PDGFRL: variants seen among roughly 807,000 people sequenced by gnomAD.
PDGFRL encodes the protein platelet-derived growth factor receptor-like protein.
Under a neutral mutation model 37.2 loss-of-function variants are expected in PDGFRL, and 46 were observed. The ratio of observed to expected loss-of-function variants is 1.24; its 90% CI spans 0.98 to 1.58. The LOEUF (loss-of-function observed/expected upper bound fraction) is 1.58. Among genes scored for constraint, PDGFRL ranks in the 40% most tolerant of loss-of-function variants. PDGFRL has a pLI of 0.00. For synonymous variants in PDGFRL, 251 were observed against 184.3 expected (o/e 1.36, Z -2.93); for missense variants, 692 against 467.6 (o/e 1.48, Z -4.43).
intron 2 of PDGFRL, among the ~76,000 whole-genome samples, chr8:17,590,803 C>G (rs904798490): frequency 2.0e-5 from 3 of 151,986 alleles, no homozygotes; most frequent in African/African-American, 7.3e-5. Flanking sequence ...CTGAAATGAC[C>G]TAACAGGAGA....
intron 2 of PDGFRL, among the ~76,000 whole-genome samples, chr8:17,620,724 T>G (rs554838267): frequency 6.6e-6 from 1 of 152,142 alleles, no homozygotes; most frequent in African/African-American, 2.4e-5. Context: ...TTTTTTGAAT[T>G]GTTGCAAAAA....
chr8:17,606,907 T>A (rs1804293411), intron 2 of PDGFRL, among the ~76,000 whole-genome samples: 1 of 145,856 alleles, frequency 6.9e-6, no homozygotes, highest in African/African-American at 2.5e-5. Context: ...TTTTTTTTTT[T>A]TTTTTTGAGA....
intron 5 of PDGFRL, among the ~76,000 whole-genome samples, chr8:17,640,554 T>C (rs1161961211): frequency 2.0e-5 from 3 of 152,118 alleles, no homozygotes; most frequent in Non-Finnish European, 2.9e-5. Flanking sequence ...TTCTCTTCTG[T>C]ATCTAGCCAC....
Position 17,596,058 on chromosome 8 carries a change from T to G in PDGFRL, c.353+6293T>G, listed in dbSNP as rs1804045876. Reference sequence around the variant, plus strand: ...CCTCCACAGACTCCGCCCTGTGGTATCACACAGCTGGCAGCCAATGGGAAG... The same window carrying G: ...CCTCCACAGACTCCGCCCTGTGGTAGCACACAGCTGGCAGCCAATGGGAAG... On this transcript the variant is annotated intron_variant, in intron 2 of 5. Transcript: ENST00000251630. Among the ~76,000 whole-genome samples the G allele has an allele frequency of 2.6e-5, 4 of 152,270 alleles. No individual in the cohort carries two copies. In the South Asian group the frequency reaches 8.3e-4, roughly 32 times the overall value.
At chr8:17,636,089 T>A (rs1804965036) in intron 5 of PDGFRL, among the ~76,000 whole-genome samples, 1 of 152,274 alleles carries the variant, frequency 6.6e-6, no homozygotes, top group Admixed American at 6.5e-5. Flanking sequence ...CTACTGATTA[T>A]TTCTTTTGCT....
chr8:17,599,157 A>G (rs185428827), intron 2 of PDGFRL, among the ~76,000 whole-genome samples: 30 of 152,008 alleles, frequency 2.0e-4, no homozygotes, highest in Non-Finnish European at 4.3e-4. Context: ...TTATTTTTCC[A>G]TAAATTATTG....
At chr8:17,622,154 T>C (rs1804648208) in intron 3 of PDGFRL, among the ~76,000 whole-genome samples, 1 of 152,208 alleles carries the variant, frequency 6.6e-6, no homozygotes, top group Non-Finnish European at 1.5e-5. Flanking sequence ...AGCTTGCATT[T>C]TGAGAAACAC....
chr8:17,625,371 C>G (rs117969424), intron 3 of PDGFRL, among the ~76,000 whole-genome samples: 5,748 of 151,936 alleles, frequency 0.038, 122 homozygotes, highest in Non-Finnish European at 0.051. Context: ...AGGAGGGTCT[C>G]GGTCTCCTGA....
chr8:17,616,192 ATTTATTTAT>A (rs1804523042), intron 2 of PDGFRL, among the ~76,000 whole-genome samples: 2 of 150,486 alleles, frequency 1.3e-5, no homozygotes, highest in Non-Finnish European at 1.5e-5. Flanking sequence ...TTATTTATTT[ATTTATTTAT>A]TTATTTATTT....
chr8:17,593,239 G>T (rs879281556), intron 2 of PDGFRL, among the ~76,000 whole-genome samples: 8 of 151,668 alleles, frequency 5.3e-5, no homozygotes, highest in African/African-American at 1.9e-4. Context: ...ATCTGGAAAG[G>T]CTTACCACTA....
rs753206888 is a variant in PDGFRL, at chr8:17,589,655, C to A, written c.243C>A (p.Ala81=). The A allele has an allele frequency of 5.0e-6, 8 of 1,613,652 alleles. No homozygotes were observed. The South Asian group carries it at 7.7e-5, about 16-fold the overall frequency. Residue 81 remains alanine, a synonymous_variant, in exon 2 of 6, where the codon GCC becomes GCA. Coordinates refer to ENST00000251630, the MANE Select transcript of PDGFRL (RefSeq NM_001372073.1). ...VLDKGRFQKP[A]ATLSLLAGQT... is the part of the protein sequence containing the mutation. ...ATAAAGGTCGCTTCCAGAAACCCGC[C>A]GCTACCCTGAGTCTGCTGGCGGGGC... is the stretch of plus-strand genomic sequence containing the variant.
chr8:17,633,824 C>A (rs1473466617), intron 4 of PDGFRL, among the ~76,000 whole-genome samples: 1 of 152,146 alleles, frequency 6.6e-6, no homozygotes, highest in Non-Finnish European at 1.5e-5. Flanking sequence ...AGCTTCCTCT[C>A]CTAATCACAG....
intron 2 of PDGFRL, among the ~76,000 whole-genome samples, chr8:17,590,910 T>C (rs1803924277): frequency 1.6e-5 from 2 of 121,594 alleles, no homozygotes; most frequent in Middle Eastern, 4.8e-3. Flanking sequence ...TGAGACGGAG[T>C]CTCGCTCTGT....
intron 4 of PDGFRL, among the ~76,000 whole-genome samples, chr8:17,632,690 C>A (rs577101659): frequency 2.6e-5 from 4 of 152,188 alleles, no homozygotes; most frequent in Admixed American, 2.0e-4. Flanking sequence ...GAAACAAAGT[C>A]CAAATCCTTT....
chr8:17,591,534 C>T (rs902158549), intron 2 of PDGFRL, among the ~76,000 whole-genome samples: 4 of 152,136 alleles, frequency 2.6e-5, no homozygotes, highest in African/African-American at 9.7e-5. Context: ...CTTTCTGGCC[C>T]TATTTCCGTA....
chr8:17,635,262 G>GTATA (rs1283008917), intron 5 of PDGFRL, among the ~76,000 whole-genome samples: 1 of 152,132 alleles, frequency 6.6e-6, no homozygotes, highest in Admixed American at 6.5e-5. Context: ...TATACCCAAT[G>GTATA]TATAGGCTTT....
rs1383231712 is a variant in PDGFRL, at chr8:17,634,184, G to A, written c.910G>A (p.Glu304Lys). 8 of 1,613,182 alleles carry A rather than the reference G, an allele frequency of 5.0e-6. No individual in the cohort carries two copies. The Admixed American group carries it at 8.3e-5, about 17-fold the overall frequency. ...TVLGEPDVEVEFTWIFPGQKD... is the reference protein window; with the variant it reads ...TVLGEPDVEVKFTWIFPGQKD... ...CCTGGGGGAGCCCGATGTGGAGGTG[G>A]AGTTCACCTGGATCTTCCCAGGGCA... The change falls in exon 5 of 6, where the codon GAG (glutamate) becomes AAG (lysine). Residue 304 changes from glutamate to lysine, a missense_variant. Physicochemically the swap from Glu to Lys is moderately conservative, Grantham distance 56 (BLOSUM62 1). Coordinates refer to ENST00000251630, the MANE Select transcript of PDGFRL (RefSeq NM_001372073.1).
rs1473652589 is a variant in PDGFRL, at chr8:17,577,279, T to C, written c.27T>C (p.Leu9=). The part of the protein sequence containing the change: MKVWLLLG[L]LLVHEALEDV... ...TGAAGGTCTGGCTGCTGCTTGGTCTTCTGCTGGTGCACGAAGCGCTGGAGG... is the reference window on the plus strand; with the variant it reads ...TGAAGGTCTGGCTGCTGCTTGGTCTCCTGCTGGTGCACGAAGCGCTGGAGG... Residue 9 remains leucine (L), a synonymous_variant, in exon 1 of 6, where the codon CTT becomes CTC. Transcript: ENST00000251630. The C allele has an allele frequency of 1.2e-6, 2 of 1,613,072 alleles. No individual in the cohort carries two copies. The highest frequency in any genetic ancestry group is 3.3e-5 in the Admixed American group (2 of 59,974).
At chr8:17,596,930 T>C (rs954902561) in intron 2 of PDGFRL, among the ~76,000 whole-genome samples, 27 of 152,254 alleles carry the variant, frequency 1.8e-4, no homozygotes, top group African/African-American at 6.5e-4. Context: ...GTTTTCTTTT[T>C]TCCGTAGAAT....
Sources: gnomAD v4.1 joint callset for allele counts (sites outside exome capture counted in the v4.1 genomes callset) on GRCh38, gnomAD v4.1.1 for gene constraint, MANE v1.5 for transcripts, NCBI Gene and HGNC (gene_info 2026-07-23, HGNC 2026-07-21) for gene names.